Variants in STK10 observed in about 807,000 individuals in gnomAD.
The protein encoded by STK10 is serine/threonine kinase 10, also known as serine/threonine-protein kinase 10.
STK10 carries 78 observed loss-of-function variants against 113.8 expected under a neutral mutation model. The ratio of observed to expected loss-of-function variants is 0.69; its 90% CI spans 0.57 to 0.83. The LOEUF is 0.83. Among genes scored for constraint, STK10 ranks in the 40% least tolerant of loss-of-function variants. The pLI is 0.00. For synonymous variants in STK10, 465 were observed against 494.7 expected (o/e 0.94, Z 0.80); for missense variants, 1,109 against 1,280.1 (o/e 0.87, Z 2.04).
intron 1 of STK10, among the ~76,000 whole-genome samples, chr5:172,164,212 A>C (rs1216991425): frequency 1.4e-5 from 1 of 69,026 alleles, no homozygotes. Context: ...AACTCCATCT[A>C]AAAAAAAAAA....
intron 4 of STK10, among the ~76,000 whole-genome samples, chr5:172,110,737 T>C (rs1769220510): frequency 6.6e-6 from 1 of 152,124 alleles, no homozygotes; most frequent in South Asian, 2.1e-4. Context: ...TTTCCCCATC[T>C]GTGACACGGG....
At chr5:172,053,675 A>AGGGGGAAGTGCCTTTATCTGG (rs1554115229) in intron 17 of STK10, among the ~76,000 whole-genome samples, 3 of 152,270 alleles carry the variant, frequency 2.0e-5, no homozygotes, top group Admixed American at 6.5e-5. Context: ...CTTATAAAGC[A>AGGGGGAAGTGCCTTTATCTGG]GGGGGAAGTG....
At chr5:172,177,031 A>T (rs1272537977) in intron 1 of STK10, among the ~76,000 whole-genome samples, 1 of 152,138 alleles carries the variant, frequency 6.6e-6, no homozygotes, top group East Asian at 1.9e-4. Flanking sequence ...AAAATTAGCC[A>T]GATGTGGTGG....
chr5:172,105,660 A>T lies in STK10; in HGVS notation c.866T>A (p.Leu289Gln). The T allele has an allele frequency of 6.2e-7, 1 of 1,613,828 alleles. No homozygotes were observed. The highest frequency in any genetic ancestry group is 8.5e-7 in the Non-Finnish European group (1 of 1,180,012). The part of the protein sequence containing the change: ...PETRPSAAQL[L>Q]EHPFVSSITS... ...GTGGGAGGGGAATCCACTCACCTCC[A>T]GCAGCTGCGCGGCACTGGGTCGGGT... The change falls in exon 7 of 19, where the codon CTG becomes CAG. Residue 289 changes from leucine to glutamine, a missense_variant. Leu to Gln is a moderately radical substitution (Grantham distance 113, BLOSUM62 -2). Transcript: ENST00000176763.
At chr5:172,160,010 C>T (rs1309062691) in intron 1 of STK10, among the ~76,000 whole-genome samples, 1 of 151,788 alleles carries the variant, frequency 6.6e-6, no homozygotes, top group Non-Finnish European at 1.5e-5. Context: ...GTGGCAGACG[C>T]CTGTAATCCC....
At position 172,106,673 on chromosome 5, in the gene STK10, G is replaced by T. The variant is rs146417178; in HGVS notation, c.735C>A (p.Val245=). ...PPHHELNPMR[V]LLKIAKSDPP... ...GGTCCGACTTGGCGATCTTTAGCAG[G>T]ACCCGCATGGGGTTGAGCTCGTGGT... The change falls in exon 6 of 19, where the codon GTC becomes GTA. Residue 245 remains valine, a synonymous_variant. Transcript: ENST00000176763. 3 of 1,613,840 alleles carry T rather than the reference G, an allele frequency of 1.9e-6. No homozygotes were observed. Among genetic ancestry groups the T allele is most frequent in the South Asian group, 1.1e-5 (1 of 91,060 alleles).
chr5:172,142,959 A>G (rs1770008716), intron 2 of STK10, among the ~76,000 whole-genome samples: 2 of 152,204 alleles, frequency 1.3e-5, no homozygotes. Context: ...GCACACACAT[A>G]CCAAGTGAGC....
intron 18 of STK10, among the ~76,000 whole-genome samples, chr5:172,049,020 C>A (rs933419690): frequency 6.6e-6 from 1 of 152,140 alleles, no homozygotes; most frequent in South Asian, 2.1e-4. Flanking sequence ...CAGATCTTGG[C>A]TCAGATGTCA....
At chr5:172,179,037 A>C (rs896788600) in intron 1 of STK10, among the ~76,000 whole-genome samples, 1 of 152,180 alleles carries the variant, frequency 6.6e-6, no homozygotes, top group Non-Finnish European at 1.5e-5. Context: ...CGCTGGTATG[A>C]GGGCTATGCT....
At chr5:172,068,122 C>T (rs758059052) in intron 12 of STK10, among the ~76,000 whole-genome samples, 6 of 152,058 alleles carry the variant, frequency 3.9e-5, no homozygotes, top group Admixed American at 3.9e-4. Flanking sequence ...GGGTGGATCA[C>T]GAGGTCAGGA....
rs1449573346 is a variant in STK10, at chr5:172,044,966, C to G, written c.2823G>C (p.Leu941=). Reference sequence around the variant, plus strand: ...GGTTTGGGCACTCCGCCTCCTCGCTCAGCTTGAAGAACATCTCCTGCTCCC... The same window carrying G: ...GGTTTGGGCACTCCGCCTCCTCGCTGAGCTTGAAGAACATCTCCTGCTCCC... ...KKREQEMFFK[L]SEEAECPNPS... Residue 941 remains leucine (L), a synonymous_variant, in exon 19 of 19, where the codon CTG becomes CTC. Coordinates refer to ENST00000176763, the MANE Select transcript of STK10 (RefSeq NM_005990.4). The surrounding 1 kb of genome is among the most constrained non-coding windows in gnomAD (Gnocchi z 4.5). The G allele has an allele frequency of 1.9e-6, 3 of 1,614,204 alleles. No individual in the cohort carries two copies. The highest frequency in any genetic ancestry group is 3.3e-5 in the Admixed American group (2 of 60,022).
At chr5:172,101,574 G>T (rs141063182) in intron 7 of STK10, among the ~76,000 whole-genome samples, 2 of 152,156 alleles carry the variant, frequency 1.3e-5, no homozygotes, top group African/African-American at 4.8e-5. Context: ...AAACAAAGAC[G>T]CTGTCCTCAG....
chr5:172,098,947 ACCAT>A (rs1409582797), intron 7 of STK10, among the ~76,000 whole-genome samples: 4 of 150,208 alleles, frequency 2.7e-5, no homozygotes, highest in Admixed American at 2.6e-4. Context: ...CACCACCACC[ACCAT>A]CATCACCTTC....
intron 4 of STK10, among the ~76,000 whole-genome samples, chr5:172,113,123 A>C (rs972076670): frequency 2.0e-5 from 3 of 152,236 alleles, no homozygotes; most frequent in African/African-American, 7.2e-5. Flanking sequence ...CATATGTAGC[A>C]AAGTTTTTTG....
At chr5:172,070,265 ATATATC>A (rs1768147582) in intron 12 of STK10, among the ~76,000 whole-genome samples, 1 of 149,924 alleles carries the variant, frequency 6.7e-6, no homozygotes, top group African/African-American at 2.5e-5. Context: ...ATATATATCT[ATATATC>A]TATATATCTA....
At chr5:172,062,488 A>G (rs1215620991) in intron 13 of STK10, among the ~76,000 whole-genome samples, 3 of 152,068 alleles carry the variant, frequency 2.0e-5, no homozygotes, top group Admixed American at 6.6e-5. Flanking sequence ...TCAAGGGATG[A>G]AAACAGCCCA....
chr5:172,065,371 T>C (rs984757526), intron 12 of STK10, among the ~76,000 whole-genome samples: 4 of 150,300 alleles, frequency 2.7e-5, no homozygotes, highest in Admixed American at 6.7e-5. Flanking sequence ...ATTACAAGTG[T>C]GCACCACCAC....
At chr5:172,051,741 G>T (rs920077429) in intron 18 of STK10, among the ~76,000 whole-genome samples, 1 of 152,184 alleles carries the variant, frequency 6.6e-6, no homozygotes, top group African/African-American at 2.4e-5. Context: ...GGCAGGCGAG[G>T]AAGAGAGTGA....
At chr5:172,103,412 A>G (rs992143266) in intron 7 of STK10, among the ~76,000 whole-genome samples, 1 of 152,142 alleles carries the variant, frequency 6.6e-6, no homozygotes, top group Non-Finnish European at 1.5e-5. Flanking sequence ...CCAAGTATGG[A>G]GCGGAAATTC....
Sources: gnomAD v4.1 joint callset for allele counts (sites outside exome capture counted in the v4.1 genomes callset) on GRCh38, gnomAD v4.1.1 for gene constraint, Gnocchi (gnomAD v3.1) non-coding constraint, MANE v1.5 for transcripts, NCBI Gene and HGNC (gene_info 2026-07-23, HGNC 2026-07-21) for gene names.